Variants in ZNF311 observed in about 807,000 individuals in gnomAD.
The protein encoded by ZNF311 is zinc finger protein zfp31.
ZNF311 carries 14 observed loss-of-function variants against 22.7 expected under a neutral mutation model. The ratio of observed to expected loss-of-function variants is 0.62; its 90% CI spans 0.41 to 0.96. ZNF311 has a LOEUF of 0.96. ZNF311 is among the 40% of genes least tolerant of loss of function. The pLI is 0.00. For synonymous variants in ZNF311, 250 were observed against 275.3 expected, an observed-to-expected ratio of 0.91 and a Z score of 0.91; for missense variants, 731 against 799.0, an observed-to-expected ratio of 0.91 and a Z score of 1.03.
upstream of ZNF311, chr6:29,005,432 T>A (rs1781065685): frequency 6.6e-6 from 1 of 151,162 alleles, no homozygotes; most frequent in South Asian, 2.1e-4. Flanking sequence ...GACTCCCTCC[T>A]CAAATCTGGC....
At chr6:29,002,029 C>T (rs529905378) in intron 3 of ZNF311, among the ~76,000 whole-genome samples, 5 of 152,344 alleles carry the variant, frequency 3.3e-5, no homozygotes, top group Admixed American at 1.3e-4. Context: ...ATATCTTCTT[C>T]ACAACTGGGA....
Position 29,003,607 on chromosome 6 carries a change from A to G in ZNF311, c.10-13T>C, listed in dbSNP as rs781388447. ...CCAACAGCACAACCTATTGCAAGAC[A>G]CAGAATGAATTCAGGAAAGTTATGA... On this transcript the variant is annotated splice_polypyrimidine_tract_variant and intron_variant, in intron 2 of 6. Coordinates refer to ENST00000377179, the MANE Select transcript of ZNF311 (RefSeq NM_001382360.1). 3 of 1,612,992 alleles carry G rather than the reference A, an allele frequency of 1.9e-6. No individual in the cohort carries two copies. The highest frequency in any genetic ancestry group is 2.5e-6 in the Non-Finnish European group (3 of 1,179,946).
chr6:29,000,863 A>T (rs1237254976), intron 3 of ZNF311, among the ~76,000 whole-genome samples: 4 of 150,586 alleles, frequency 2.7e-5, no homozygotes, highest in African/African-American at 9.8e-5. Context: ...TGCAAGCTCT[A>T]CCTCCTGGGT....
At chr6:28,999,272 T>A (rs1437355091) in intron 5 of ZNF311, among the ~76,000 whole-genome samples, 1 of 151,962 alleles carries the variant, frequency 6.6e-6, no homozygotes, top group Non-Finnish European at 1.5e-5. Context: ...TGTCTCCTTT[T>A]AACTCATTCC....
At chr6:29,003,204 C>T (rs988002116) in intron 3 of ZNF311, among the ~76,000 whole-genome samples, 4 of 152,078 alleles carry the variant, frequency 2.6e-5, no homozygotes, top group Admixed American at 6.5e-5. Context: ...CAAATATGTA[C>T]GCTATTTACC....
At position 29,000,024 on chromosome 6, in the gene ZNF311, C is replaced by T; in HGVS notation, c.115G>A (p.Ala39Thr). 6.2e-7 allele frequency: 1 copy of T among 1,613,516 alleles called. No homozygotes were observed. Among genetic ancestry groups the T allele is most frequent in the Non-Finnish European group, 8.5e-7 (1 of 1,179,900 alleles). ...ESALLPAPYP[A>T]FTKDGSQGNL... The stretch of plus-strand genomic sequence containing the variant: ...CCTTGGCTTCCATCTTTAGTGAAGG[C>T]AGGATATGGAGCAGGTAATAGAGCT... Residue 39 changes from alanine to threonine, a missense_variant, in exon 4 of 7, where the codon GCC (alanine) becomes ACC (threonine). By Grantham distance (58) the Ala-to-Thr change is moderately conservative. Coordinates refer to ENST00000377179, the MANE Select transcript of ZNF311 (RefSeq NM_001382360.1).
Position 28,996,177 on chromosome 6 carries a change from A to G in ZNF311, c.825T>C (p.His275=). ...HEQIHSGEKP[H]VCNECGKAFK... is the part of the protein sequence containing the mutation. ...ATGCTTTCCCACACTCATTACACAC[A>G]TGGGGTTTCTCACCAGAATGAATTT... Residue 275 remains histidine (H), a synonymous_variant, in exon 7 of 7, where the codon CAT becomes CAC. Coordinates refer to ENST00000377179, the MANE Select transcript of ZNF311 (RefSeq NM_001382360.1). 2 of 1,613,542 alleles carry G rather than the reference A, an allele frequency of 1.2e-6. No individual in the cohort carries two copies. The highest frequency in any genetic ancestry group is 8.5e-7 in the Non-Finnish European group (1 of 1,180,040).
chr6:28,999,572 G>C lies in ZNF311; in HGVS notation c.225C>G (p.Asn75Lys). 6 of 1,613,644 alleles carry C rather than the reference G, an allele frequency of 3.7e-6. No individual in the cohort carries two copies. Among genetic ancestry groups the C allele is most frequent in the Non-Finnish European group, 5.1e-6 (6 of 1,179,962 alleles). Residue 75 changes from asparagine to lysine, a missense_variant, in exon 5 of 7, where the codon AAC becomes AAG. Transcript: ENST00000377179. ...CGTAGGTCAGACACTGCCACTCCCT[G>C]TTAGTGAAGTTCACAGCTACATCCT... ...TFEDVAVNFTNREWQCLTYAQ... is the reference protein window; with the variant it reads ...TFEDVAVNFTKREWQCLTYAQ...
chr6:28,998,745 C>A lies in ZNF311; in HGVS notation c.404G>T (p.Cys135Phe), dbSNP rs759114695. The stretch of plus-strand genomic sequence containing the variant: ...TCTCTATTACTCACCTGGGTAGGAG[C>A]AGCTTAGGGACTCCCTGTCCTGTGG... ...QDPQDRESLS[C>F]SYPVSADKMW... Residue 135 changes from cysteine to phenylalanine, a missense_variant, in exon 6 of 7, where the codon TGC becomes TTC. Physicochemically the swap from Cys to Phe is radical, Grantham distance 205. Transcript: ENST00000377179. The A allele has an allele frequency of 6.2e-7, 1 of 1,611,110 alleles. No homozygotes were observed. Among genetic ancestry groups the A allele is most frequent in the Non-Finnish European group, 8.5e-7 (1 of 1,179,038 alleles).
chr6:29,005,362 G>C (rs1781054004), upstream of ZNF311: 1 of 151,254 alleles, frequency 6.6e-6, no homozygotes, highest in Non-Finnish European at 1.5e-5. Context: ...GGAGGAGGTA[G>C]GGCAAATGGG....
At position 28,996,416 on chromosome 6, in the gene ZNF311, C is replaced by G. The variant is rs774387285; in HGVS notation, c.586G>C (p.Glu196Gln). ...VQDVKLENQW[E>Q]TSIREKLREE... is the part of the protein sequence containing the mutation. ...CTCAGTTTCTCCCTTATAGATGTTTCCCATTGATTCTCTAATTTGACATCC... is the reference window on the plus strand; with the variant it reads ...CTCAGTTTCTCCCTTATAGATGTTTGCCATTGATTCTCTAATTTGACATCC... Residue 196 changes from glutamate to glutamine, a missense_variant, in exon 7 of 7, where the codon GAA (glutamate) becomes CAA (glutamine). Transcript: ENST00000377179. 6.2e-7 allele frequency: 1 copy of G among 1,610,788 alleles called. No individual in the cohort carries two copies. The highest frequency in any genetic ancestry group is 8.5e-7 in the Non-Finnish European group (1 of 1,180,020).
Position 28,995,096 on chromosome 6 carries a change from C to G in ZNF311, c.1906G>C (p.Val636Leu). Residue 636 changes from valine to leucine, a missense_variant, in exon 7 of 7, where the codon GTA becomes CTA. Transcript: ENST00000377179. The surrounding 1 kb of genome is among the most constrained non-coding windows in gnomAD (Gnocchi z 4.7). ...LTGHKKRKHQVWSTHELDGSR... is the reference protein window; with the variant it reads ...LTGHKKRKHQLWSTHELDGSR... Reference sequence around the variant, plus strand: ...CCATCAAGTTCATGGGTACTCCATACTTGATGTTTTCTTTTCTTATGTCCA... The same window carrying G: ...CCATCAAGTTCATGGGTACTCCATAGTTGATGTTTTCTTTTCTTATGTCCA... 6.2e-7 allele frequency: 1 copy of G among 1,613,830 alleles called. No individual in the cohort carries two copies. The highest frequency in any genetic ancestry group is 8.5e-7 in the Non-Finnish European group (1 of 1,180,030).
At position 28,994,998 on chromosome 6, in the gene ZNF311, T is replaced by C. The variant is rs1341672766; in HGVS notation, c.*3A>G. The stretch of plus-strand genomic sequence containing the variant: ...ACAGAAAGTAACACCAGAATCGTTA[T>C]ACTCAGGCACTGGTCAAAATACTGA... On this transcript the variant is annotated 3_prime_UTR_variant, in exon 7 of 7. Coordinates refer to ENST00000377179, the MANE Select transcript of ZNF311 (RefSeq NM_001382360.1). 4 of 1,588,694 alleles carry C rather than the reference T, an allele frequency of 2.5e-6. No individual in the cohort carries two copies. Among genetic ancestry groups the C allele is most frequent in the East Asian group, 2.2e-5 (1 of 44,684 alleles).
intron 3 of ZNF311, among the ~76,000 whole-genome samples, chr6:29,001,006 G>A (rs2150706543): frequency 6.6e-6 from 1 of 152,214 alleles, no homozygotes; most frequent in East Asian, 1.9e-4. Flanking sequence ...TCCATCTCCT[G>A]ACATCATGAT....
In ZNF311 at chr6:28,996,186, C is replaced by T; in HGVS notation, c.816G>A (p.Glu272=). 6.2e-7 allele frequency: 1 copy of T among 1,613,544 alleles called. No homozygotes were observed. The highest frequency in any genetic ancestry group is 8.5e-7 in the Non-Finnish European group (1 of 1,180,050). The change falls in exon 7 of 7, where the codon GAG becomes GAA. Residue 272 remains glutamate (E), a synonymous_variant. Coordinates refer to ENST00000377179, the MANE Select transcript of ZNF311 (RefSeq NM_001382360.1). ...CACACTCATTACACACATGGGGTTT[C>T]TCACCAGAATGAATTTGCTCATGGA... ...LILHEQIHSG[E]KPHVCNECGK... is the part of the protein sequence containing the mutation.
At position 28,996,097 on chromosome 6, in the gene ZNF311, G is replaced by A. The variant is rs758386496; in HGVS notation, c.905C>T (p.Pro302Leu). 2 of 1,613,296 alleles carry A rather than the reference G, an allele frequency of 1.2e-6. No individual in the cohort carries two copies. Among genetic ancestry groups the A allele is most frequent in the South Asian group, 2.2e-5 (2 of 91,076 alleles). The change falls in exon 7 of 7, where the codon CCT (proline) becomes CTT (leucine). Residue 302 changes from proline (P) to leucine (L), a missense_variant. Physicochemically the swap from Pro to Leu is moderately conservative, Grantham distance 98. Transcript: ENST00000377179. The stretch of plus-strand genomic sequence containing the variant: ...CTTCCCACACTGGGTGCAATTAAAA[G>A]GTTTCTCCCCTGTGTGGATTATCCG... The part of the protein sequence containing the change: ...MHRIIHTGEK[P>L]FNCTQCGKAF...
At position 28,995,184 on chromosome 6, in the gene ZNF311, A is replaced by G; in HGVS notation, c.1818T>C (p.Thr606=). The change falls in exon 7 of 7, where the codon ACT becomes ACC. Residue 606 remains threonine, a synonymous_variant. Coordinates refer to ENST00000377179, the MANE Select transcript of ZNF311 (RefSeq NM_001382360.1). The surrounding 1 kb of genome is among the most constrained non-coding windows in gnomAD (Gnocchi z 4.7). ...CCTCACATTCATAAGGTTTCTCCCC[A>G]GTATGAACTCGCTTATGTCCAATCA... ...SALIGHKRVH[T]GEKPYECEEC... is the part of the protein sequence containing the mutation. 1.9e-6 allele frequency: 3 copies of G among 1,614,120 alleles called. No homozygotes were observed. Among genetic ancestry groups the G allele is most frequent in the African/African-American group, 1.3e-5 (1 of 75,052 alleles).
At chr6:29,003,925 C>G (rs562494577) in intron 2 of ZNF311, 21 bp downstream of exon 2, 11 of 1,612,846 alleles carry the variant, frequency 6.8e-6, no homozygotes, top group Admixed American at 1.7e-5. Context: ...TGTGATGTAT[C>G]ACAGACCCTC....
At chr6:28,997,351 T>C (rs1404367449) in intron 6 of ZNF311, among the ~76,000 whole-genome samples, 1 of 152,210 alleles carries the variant, frequency 6.6e-6, no homozygotes, top group Non-Finnish European at 1.5e-5. Flanking sequence ...TTCTAGGGCC[T>C]GACACATAGC....
Sources: gnomAD v4.1 joint callset for allele counts (sites outside exome capture counted in the v4.1 genomes callset) on GRCh38, gnomAD v4.1.1 for gene constraint, Gnocchi (gnomAD v3.1) non-coding constraint, MANE v1.5 for transcripts, NCBI Gene and HGNC (gene_info 2026-07-23, HGNC 2026-07-21) for gene names.